Variants in DIAPH3 observed in about 807,000 individuals in gnomAD.
DIAPH3 encodes diaphanous related formin 3.
Under a neutral mutation model 144.3 loss-of-function variants are expected in DIAPH3, and 117 were observed. The ratio of observed to expected loss-of-function variants is 0.81; its 90% confidence interval spans 0.70 to 0.95. The LOEUF (loss-of-function observed/expected upper bound fraction) is 0.95. Ranked by LOEUF, DIAPH3 falls within the 40% of genes least tolerant of loss-of-function variation. The pLI, the probability that DIAPH3 is intolerant of heterozygous loss-of-function variation, is 0.00. For synonymous variants in DIAPH3, 519 were observed against 488.9 expected (o/e 1.06, Z -0.81); for missense variants, 1,421 against 1,412.7 (o/e 1.01, Z -0.09).
rs1810662739 is a variant in DIAPH3, at chr13:59,718,721, A to G, written c.3320-51875T>C. 2.6e-5 allele frequency among the ~76,000 whole-genome samples: 4 copies of G among 152,206 alleles called. No individual in the cohort carries two copies. The South Asian group carries it at 8.3e-4, about 32-fold the overall frequency. The stretch of plus-strand genomic sequence containing the variant: ...TGGAATGTTGAAAAAGGAAAAATGT[A>G]ATATTTCTTTTTTTTAAGGAACTGT... On this transcript the variant is annotated intron_variant, in intron 27 of 27. Transcript: ENST00000400324.
intron 5 of DIAPH3, among the ~76,000 whole-genome samples, chr13:60,017,741 T>A (rs1415383531): frequency 5.9e-5 from 9 of 152,172 alleles, no homozygotes; most frequent in Non-Finnish European, 1.0e-4. Context: ...GTGAAAGCCA[T>A]GAAATAACTA....
intron 5 of DIAPH3, among the ~76,000 whole-genome samples, chr13:60,030,229 G>T (rs1324237769): frequency 6.6e-6 from 1 of 151,904 alleles, no homozygotes. Context: ...CTCTTTTACT[G>T]TGGTACCTAG....
intron 5 of DIAPH3, among the ~76,000 whole-genome samples, chr13:60,018,084 GGA>G (rs1376486031): frequency 6.6e-6 from 1 of 152,160 alleles, no homozygotes; most frequent in Non-Finnish European, 1.5e-5. Flanking sequence ...TGAGATGCAT[GGA>G]GAGAGACTGT....
At chr13:59,774,002 C>A in intron 27 of DIAPH3, 187 bp downstream of exon 27, 1 of 526,248 alleles carries the variant, frequency 1.9e-6, no homozygotes. Flanking sequence ...AAGACACAAC[C>A]TCAAGGCAAT....
chr13:60,043,915 G>C (rs1273537331), intron 4 of DIAPH3, among the ~76,000 whole-genome samples: 1 of 152,082 alleles, frequency 6.6e-6, no homozygotes, highest in Admixed American at 6.6e-5. Context: ...AAACAGGATG[G>C]TCAAAGAAAG....
At chr13:60,104,568 A>G (rs2058356663) in intron 3 of DIAPH3, among the ~76,000 whole-genome samples, 2 of 136,104 alleles carry the variant, frequency 1.5e-5, no homozygotes, top group African/African-American at 3.0e-5. Context: ...GTATCAAGGC[A>G]CACACACACA....
rs968432521 is a variant in DIAPH3, at chr13:60,036,010, A to ACCTCT, written c.626+6675_626+6679dup. On this transcript the variant is annotated intron_variant, in intron 5 of 27. Coordinates refer to ENST00000400324, the MANE Select transcript of DIAPH3 (RefSeq NM_001042517.2). ...TAGCACTTCCTGTCAGACATACTTC[A>ACCTCT]CCTCTCCTTTTCTATTCCTTAATAC... Among the ~76,000 whole-genome samples the ACCTCT allele has an allele frequency of 6.5e-4, 99 of 151,558 alleles. 1 individual carries two copies. The highest frequency in any genetic ancestry group is 2.4e-3 in the African/African-American group (98 of 41,296).
intron 18 of DIAPH3, among the ~76,000 whole-genome samples, chr13:59,919,918 A>G (rs1286874947): frequency 6.6e-6 from 1 of 152,028 alleles, no homozygotes; most frequent in Non-Finnish European, 1.5e-5. Context: ...AAATTCAAGG[A>G]AAGAGTAAAA....
intron 27 of DIAPH3, among the ~76,000 whole-genome samples, chr13:59,713,261 G>A (rs887905067): frequency 1.1e-4 from 16 of 150,204 alleles, no homozygotes; most frequent in Non-Finnish European, 1.6e-4. Context: ...TTTATGAGAT[G>A]GTGTTTCACT....
chr13:59,863,621 T>A (rs1190567050), intron 21 of DIAPH3, among the ~76,000 whole-genome samples: 1 of 152,128 alleles, frequency 6.6e-6, no homozygotes, highest in East Asian at 1.9e-4. Flanking sequence ...AGCTTTACTT[T>A]CACATCATGA....
chr13:60,083,950 TGG>T (rs2057655907), intron 4 of DIAPH3, among the ~76,000 whole-genome samples: 1 of 130,066 alleles, frequency 7.7e-6, no homozygotes, highest in Non-Finnish European at 1.8e-5. Flanking sequence ...GATGGATGGA[TGG>T]ATGGATGAAT....
chr13:59,861,553 G>T lies in DIAPH3; in HGVS notation c.2608-17C>A. On this transcript the variant is annotated splice_polypyrimidine_tract_variant and intron_variant, in intron 21 of 27. Transcript: ENST00000400324. ...GTCCTTTAGCTAAATAGAACAGGAGGGAGAAAAAACACAGAGTCATAAGTA... is the reference window on the plus strand; with the variant it reads ...GTCCTTTAGCTAAATAGAACAGGAGTGAGAAAAAACACAGAGTCATAAGTA... 6.2e-7 allele frequency: 1 copy of T among 1,612,120 alleles called. No homozygotes were observed.
intron 24 of DIAPH3, among the ~76,000 whole-genome samples, chr13:59,829,590 CTA>C (rs1369313130): frequency 5.9e-5 from 9 of 151,864 alleles, no homozygotes; most frequent in Non-Finnish European, 1.3e-4. Flanking sequence ...ATGGTTAGCT[CTA>C]TATATGTTAG....
intron 4 of DIAPH3, among the ~76,000 whole-genome samples, chr13:60,046,467 G>A (rs566473703): frequency 6.6e-6 from 1 of 152,300 alleles, no homozygotes; most frequent in East Asian, 1.9e-4. Flanking sequence ...AAAAAGTCAG[G>A]AAACAACAGA....
intron 21 of DIAPH3, among the ~76,000 whole-genome samples, chr13:59,864,284 C>T (rs1041110896): frequency 9.9e-5 from 15 of 152,074 alleles, no homozygotes; most frequent in Non-Finnish European, 1.9e-4. Context: ...TCTCTTTGCA[C>T]AGCCACCAAA....
chr13:60,028,129 G>C (rs759572590), intron 5 of DIAPH3, among the ~76,000 whole-genome samples: 3 of 152,062 alleles, frequency 2.0e-5, no homozygotes, highest in Non-Finnish European at 4.4e-5. Context: ...AACTCTCGCT[G>C]ATTTGATTTC....
intron 2 of DIAPH3, among the ~76,000 whole-genome samples, chr13:60,128,240 T>C (rs541152547): frequency 6.6e-6 from 1 of 152,318 alleles, no homozygotes; most frequent in East Asian, 1.9e-4. Context: ...GGACATGATC[T>C]TGTTCTTTTT....
chr13:59,892,458 T>G (rs1382450143), intron 20 of DIAPH3, among the ~76,000 whole-genome samples: 1 of 152,002 alleles, frequency 6.6e-6, no homozygotes, highest in Non-Finnish European at 1.5e-5. Context: ...TTAAAAGCAT[T>G]TCTTCAGGAA....
At chr13:59,904,935 C>A (rs1207868850) in intron 20 of DIAPH3, among the ~76,000 whole-genome samples, 6 of 152,010 alleles carry the variant, frequency 3.9e-5, no homozygotes, top group African/African-American at 1.4e-4. Context: ...CTGCTTCGAT[C>A]TCATTTAATA....
Sources: allele counts gnomAD v4.1 joint callset (sites outside exome capture counted in the v4.1 genomes callset), GRCh38; gene constraint gnomAD v4.1.1; transcripts MANE v1.5; gene names NCBI Gene and HGNC (gene_info 2026-07-23, HGNC 2026-07-21).